Variants in EXOC6B observed in about 807,000 individuals in gnomAD.
EXOC6B encodes exocyst complex component 6B.
Under a neutral mutation model 113.5 loss-of-function variants are expected in EXOC6B, and 54 were observed. The ratio of observed to expected loss-of-function variants is 0.48; its 90% CI spans 0.38 to 0.60. EXOC6B has a LOEUF of 0.60. EXOC6B is among the 20% of genes least tolerant of loss of function. The probability of loss-of-function intolerance (pLI) is 0.00; values close to 1 mark genes in which losing one functional copy is unlikely to be tolerated. For synonymous variants in EXOC6B, 357 were observed against 339.0 expected (o/e 1.05, Z -0.58); for missense variants, 797 against 977.5 (o/e 0.82, Z 2.46).
intron 1 of EXOC6B, among the ~76,000 whole-genome samples, chr2:72,803,249 T>C (rs1381399332): frequency 1.3e-5 from 2 of 150,298 alleles, no homozygotes; most frequent in Admixed American, 1.3e-4. Context: ...CATCTCAAAA[T>C]AGTGAATAAT....
intron 6 of EXOC6B, among the ~76,000 whole-genome samples, chr2:72,621,038 TTA>T (rs1383517272): frequency 6.6e-6 from 1 of 152,208 alleles, no homozygotes; most frequent in African/African-American, 2.4e-5. Context: ...AAGGGAACGC[TTA>T]TACACTGTTG....
chr2:72,504,001 G>A (rs759646837), intron 11 of EXOC6B, among the ~76,000 whole-genome samples: 9 of 151,944 alleles, frequency 5.9e-5, no homozygotes, highest in Admixed American at 3.3e-4. Flanking sequence ...TCAGGTTCCC[G>A]GGATCAAGAG....
chr2:72,712,324 T>C (rs921876251), intron 6 of EXOC6B, among the ~76,000 whole-genome samples: 2 of 152,226 alleles, frequency 1.3e-5, no homozygotes, highest in African/African-American at 4.8e-5. Context: ...ACACAATTAC[T>C]GTCTCAGAGT....
intron 6 of EXOC6B, among the ~76,000 whole-genome samples, chr2:72,672,654 G>A (rs1218358772): frequency 6.6e-6 from 1 of 152,058 alleles, no homozygotes; most frequent in Non-Finnish European, 1.5e-5. Context: ...GTCAGATGCA[G>A]CTACATGGAT....
chr2:72,675,248 T>C (rs1014717734), intron 6 of EXOC6B, among the ~76,000 whole-genome samples: 1 of 152,186 alleles, frequency 6.6e-6, no homozygotes, highest in Non-Finnish European at 1.5e-5. Flanking sequence ...ACTGCCACAG[T>C]TGATTAAAAA....
At chr2:72,416,667 G>T (rs759249144) in intron 18 of EXOC6B, among the ~76,000 whole-genome samples, 1 of 152,112 alleles carries the variant, frequency 6.6e-6, no homozygotes, top group Non-Finnish European at 1.5e-5. Context: ...TGAGGCTGCT[G>T]GTTCTGCCCC....
chr2:72,421,777 G>A (rs997628734), intron 18 of EXOC6B, among the ~76,000 whole-genome samples: 1 of 152,208 alleles, frequency 6.6e-6, no homozygotes, highest in Non-Finnish European at 1.5e-5. Flanking sequence ...GCCCCTTTCT[G>A]GGCTGGCCAA....
intron 1 of EXOC6B, among the ~76,000 whole-genome samples, chr2:72,793,405 A>T (rs1408716889): frequency 6.6e-6 from 1 of 152,246 alleles, no homozygotes; most frequent in African/African-American, 2.4e-5. Flanking sequence ...ATCTCTCACC[A>T]ATCCCAAATC....
intron 20 of EXOC6B, among the ~76,000 whole-genome samples, chr2:72,272,990 T>C (rs1684585821): frequency 6.6e-6 from 1 of 152,180 alleles, no homozygotes; most frequent in African/African-American, 2.4e-5. Context: ...TTTTAGACTC[T>C]GCTCTCCCAG....
intron 17 of EXOC6B, among the ~76,000 whole-genome samples, chr2:72,468,803 C>A (rs11675264): frequency 0.13 from 19,669 of 152,102 alleles, 1,412 homozygotes; most frequent in African/African-American, 0.18. Context: ...TCAATTTTTT[C>A]TTCAATGTTT....
intron 19 of EXOC6B, among the ~76,000 whole-genome samples, chr2:72,337,994 G>C (rs994433153): frequency 3.3e-5 from 5 of 152,064 alleles, no homozygotes; most frequent in Admixed American, 3.3e-4. Context: ...GGATTATAAG[G>C]GGTCCTTAAT....
In EXOC6B at chr2:72,360,620, G is replaced by T. The variant is rs1416328486; in HGVS notation, c.2122+19109C>A. On this transcript the variant is annotated intron_variant, in intron 19 of 21. Coordinates refer to ENST00000272427, the MANE Select transcript of EXOC6B (RefSeq NM_015189.3). ...ACACTGGGTAACTTAAGATAAAAAT[G>T]AGGCCAATTCTCGTCCTTCCTAGAA... 8.5e-5 allele frequency among the ~76,000 whole-genome samples: 13 copies of T among 152,232 alleles called. No individual in the cohort carries two copies. The East Asian group carries it at 1.4e-3, about 16-fold the overall frequency.
At chr2:72,753,693 T>C (rs762561627) in intron 1 of EXOC6B, among the ~76,000 whole-genome samples, 3 of 152,178 alleles carry the variant, frequency 2.0e-5, no homozygotes, top group Non-Finnish European at 4.4e-5. Flanking sequence ...TAGCATAGTA[T>C]GTAAGATGCC....
intron 6 of EXOC6B, among the ~76,000 whole-genome samples, chr2:72,642,984 C>T (rs1323621284): frequency 3.3e-5 from 5 of 151,954 alleles, no homozygotes; most frequent in Non-Finnish European, 1.5e-5. Context: ...CAAAAGAAGA[C>T]ATTTATGCAG....
intron 1 of EXOC6B, among the ~76,000 whole-genome samples, chr2:72,760,233 A>G (rs931921458): frequency 1.3e-5 from 2 of 152,242 alleles, no homozygotes; most frequent in African/African-American, 4.8e-5. Context: ...TCCAAATGTT[A>G]GCATCCAGAA....
chr2:72,279,082 G>A (rs1245968672), intron 20 of EXOC6B, among the ~76,000 whole-genome samples: 1 of 152,196 alleles, frequency 6.6e-6, no homozygotes, highest in Non-Finnish European at 1.5e-5. Flanking sequence ...TGTAGGGCAA[G>A]TATACCAATA....
intron 20 of EXOC6B, among the ~76,000 whole-genome samples, chr2:72,290,357 C>A (rs1685708473): frequency 6.6e-6 from 1 of 151,990 alleles, no homozygotes; most frequent in East Asian, 1.9e-4. Context: ...TACATTTTGT[C>A]CATAATAGAT....
chr2:72,697,730 A>C (rs566587747), intron 6 of EXOC6B, among the ~76,000 whole-genome samples: 1 of 152,198 alleles, frequency 6.6e-6, no homozygotes, highest in Non-Finnish European at 1.5e-5. Context: ...TATGCCAGAA[A>C]GTAAGAGTCT....
intron 18 of EXOC6B, among the ~76,000 whole-genome samples, chr2:72,395,241 G>A (rs1440424891): frequency 6.6e-6 from 1 of 151,960 alleles, no homozygotes. Context: ...AAGTGGGCTT[G>A]GAAAAAACAC....
Sources: gnomAD v4.1 joint callset for allele counts (sites outside exome capture counted in the v4.1 genomes callset) on GRCh38, gnomAD v4.1.1 for gene constraint, MANE v1.5 for transcripts, NCBI Gene and HGNC (gene_info 2026-07-23, HGNC 2026-07-21) for gene names.